Variants in GFI1B observed in about 807,000 individuals in gnomAD.
GFI1B encodes zinc finger protein Gfi-1b.
A neutral mutation model predicts 35.3 loss-of-function variants in GFI1B; 20 were observed. The observed-to-expected ratio is 0.57, with a 90% CI of 0.40 to 0.82. GFI1B has a LOEUF of 0.82. Ranked by LOEUF, GFI1B falls within the 40% of genes least tolerant of loss-of-function variation. The probability of loss-of-function intolerance (pLI) is 0.00; values close to 1 mark genes in which losing one functional copy is unlikely to be tolerated. For missense variants in GFI1B, 430 were observed against 446.3 expected, an observed-to-expected ratio of 0.96 and a Z score of 0.33; for synonymous variants, 178 against 177.6, an observed-to-expected ratio of 1.00 and a Z score of -0.02.
chr9:132,968,722 G>A (rs1296816601), intron 1 of GFI1B, among the ~76,000 whole-genome samples: 1 of 152,154 alleles, frequency 6.6e-6, no homozygotes, highest in South Asian at 2.1e-4. Context: ...TCACCCCGCT[G>A]TACCTCTGCT....
At chr9:132,983,966 G>T (rs533257740) in intron 1 of GFI1B, among the ~76,000 whole-genome samples, 2 of 152,326 alleles carry the variant, frequency 1.3e-5, no homozygotes, top group African/African-American at 4.8e-5. Flanking sequence ...ACAGCAGCGG[G>T]ACTCAGCATC....
downstream of GFI1B, among the ~76,000 whole-genome samples, chr9:132,992,300 C>T (rs678946): frequency 0.17 from 26,153 of 152,102 alleles, 2,481 homozygotes; most frequent in African/African-American, 0.25. Context: ...AGATCCTGAA[C>T]GTAATCACCG....
At chr9:132,988,172 C>T (rs771246415) in intron 3 of GFI1B, 25 bp from the exon 4 acceptor site, 1 of 1,611,222 alleles carries the variant, frequency 6.2e-7, no homozygotes, top group African/African-American at 1.3e-5. Flanking sequence ...AATGAGTAAC[C>T]AGGCCTGTGT....
At position 132,987,372 on chromosome 9, in the gene GFI1B, C is replaced by A; in HGVS notation, c.191C>A (p.Pro64Gln). Reference sequence around the variant, plus strand: ...GACTGGACCAACCTCAAACGAGAGCCGGAGCTGGAGCAGGACCAGAACTTG... The same window carrying A: ...GACTGGACCAACCTCAAACGAGAGCAGGAGCTGGAGCAGGACCAGAACTTG... Reference protein sequence around the residue: ...CLDWTNLKREPELEQDQNLAR... With the variant: ...CLDWTNLKREQELEQDQNLAR... Residue 64 changes from proline to glutamine, a missense_variant, in exon 3 of 7, where the codon CCG becomes CAG. Physicochemically the swap from Pro to Gln is moderately conservative, Grantham distance 76. Transcript: ENST00000372122. 1 of 1,614,258 alleles carries A rather than the reference C, an allele frequency of 6.2e-7. No individual in the cohort carries two copies. Among genetic ancestry groups the A allele is most frequent in the Admixed American group, 1.7e-5 (1 of 60,036 alleles).
At position 132,987,267 on chromosome 9, in the gene GFI1B, C is replaced by G; in HGVS notation, c.101-15C>G. The G allele has an allele frequency of 6.2e-7, 1 of 1,613,148 alleles. No individual in the cohort carries two copies. Among genetic ancestry groups the G allele is most frequent in the Non-Finnish European group, 8.5e-7 (1 of 1,179,506 alleles). On this transcript the variant is annotated splice_polypyrimidine_tract_variant and intron_variant, in intron 2 of 6. Coordinates refer to ENST00000372122, the MANE Select transcript of GFI1B (RefSeq NM_001377304.1). ...AACCGTGGCTATTGATGCTGATGGT[C>G]CTATCTCCCCACAGTGCCCAGAGAC...
intron 1 of GFI1B, among the ~76,000 whole-genome samples, chr9:132,979,137 C>G (rs1357243209): frequency 6.6e-6 from 1 of 152,090 alleles, no homozygotes; most frequent in Non-Finnish European, 1.5e-5. Flanking sequence ...ACCCAGCTGT[C>G]CTGGGGACCT....
Sources: allele counts gnomAD v4.1 joint callset (sites outside exome capture counted in the v4.1 genomes callset), GRCh38; gene constraint gnomAD v4.1.1; transcripts MANE v1.5; gene names NCBI Gene and HGNC (gene_info 2026-07-23, HGNC 2026-07-21).